Variants in CCDC6 observed in about 807,000 individuals in gnomAD.
The protein encoded by CCDC6 is coiled-coil domain containing 6.
CCDC6 carries 20 observed loss-of-function variants against 56.6 expected under a neutral mutation model. The ratio of observed to expected loss-of-function variants is 0.35; its 90% CI spans 0.25 to 0.51. CCDC6 has a LOEUF of 0.51. CCDC6 is among the 20% of genes least tolerant of loss of function. The pLI, the probability that CCDC6 is intolerant of heterozygous loss-of-function variation, is 0.95. For synonymous variants in CCDC6, 241 were observed against 234.4 expected, an observed-to-expected ratio of 1.03 and a Z score of -0.26; for missense variants, 367 against 601.1, an observed-to-expected ratio of 0.61 and a Z score of 4.07.
intron 3 of CCDC6, among the ~76,000 whole-genome samples, chr10:59,831,026 T>TGA (rs2070830784): frequency 6.6e-6 from 1 of 152,228 alleles, no homozygotes; most frequent in East Asian, 1.9e-4. Flanking sequence ...AGTAAATACT[T>TGA]GGTGTGTCAG....
intron 1 of CCDC6, among the ~76,000 whole-genome samples, chr10:59,885,680 T>C (rs1451902993): frequency 3.9e-5 from 6 of 152,278 alleles, no homozygotes; most frequent in Admixed American, 3.3e-4. Flanking sequence ...ATTTTTTGCA[T>C]AGCCTCTTCC....
At chr10:59,847,325 T>C (rs1007743871) in intron 2 of CCDC6, among the ~76,000 whole-genome samples, 1 of 151,764 alleles carries the variant, frequency 6.6e-6, no homozygotes, top group African/African-American at 2.4e-5. Flanking sequence ...AGTGTTGGGA[T>C]TACAGGCAGG....
At chr10:59,798,339 T>C (rs1340582432) in intron 7 of CCDC6, among the ~76,000 whole-genome samples, 2 of 152,270 alleles carry the variant, frequency 1.3e-5, no homozygotes, top group Admixed American at 6.5e-5. Flanking sequence ...TTTGTTTCCA[T>C]GACAGAGATA....
chr10:59,893,491 G>GC (rs991495092), intron 1 of CCDC6, among the ~76,000 whole-genome samples: 7 of 152,148 alleles, frequency 4.6e-5, no homozygotes, highest in Non-Finnish European at 8.8e-5. Context: ...TGTGGTCTCA[G>GC]CAATTCAGGA....
intron 1 of CCDC6, among the ~76,000 whole-genome samples, chr10:59,858,545 C>T (rs1443415425): frequency 1.3e-5 from 2 of 152,088 alleles, no homozygotes; most frequent in East Asian, 3.9e-4. Context: ...TAAATTTTAC[C>T]AACTGTGGTT....
At chr10:59,861,074 T>C (rs2071123820) in intron 1 of CCDC6, among the ~76,000 whole-genome samples, 1 of 152,088 alleles carries the variant, frequency 6.6e-6, no homozygotes, top group Non-Finnish European at 1.5e-5. Flanking sequence ...CGAGCACCTG[T>C]AATTGCAGGC....
chr10:59,852,064 A>G (rs1325433926), intron 2 of CCDC6, among the ~76,000 whole-genome samples: 1 of 152,190 alleles, frequency 6.6e-6, no homozygotes, highest in Non-Finnish European at 1.5e-5. Context: ...GTTCAGTAAC[A>G]TATTACTCAC....
At chr10:59,876,233 G>A (rs10994061) in intron 1 of CCDC6, among the ~76,000 whole-genome samples, 1 of 151,790 alleles carries the variant, frequency 6.6e-6, no homozygotes, top group African/African-American at 2.4e-5. Context: ...ATTTTTAGTA[G>A]AGACGGGGTT....
intron 1 of CCDC6, among the ~76,000 whole-genome samples, chr10:59,903,837 T>C (rs1387387896): frequency 6.6e-6 from 1 of 152,196 alleles, no homozygotes; most frequent in Admixed American, 6.5e-5. Flanking sequence ...GGACTCTACA[T>C]TCACAGGCCC....
intron 2 of CCDC6, among the ~76,000 whole-genome samples, chr10:59,847,236 G>C (rs928821059): frequency 6.6e-6 from 1 of 151,936 alleles, no homozygotes; most frequent in South Asian, 2.1e-4. Context: ...TGTATTTTTA[G>C]TAGAGACAGG....
intron 3 of CCDC6, among the ~76,000 whole-genome samples, chr10:59,820,191 T>A (rs1211679758): frequency 6.6e-6 from 1 of 152,182 alleles, no homozygotes; most frequent in Non-Finnish European, 1.5e-5. Context: ...CTACCACAGT[T>A]CTTTCTTACT....
At chr10:59,796,369 A>G (rs964913701) in intron 7 of CCDC6, among the ~76,000 whole-genome samples, 1 of 150,824 alleles carries the variant, frequency 6.6e-6, no homozygotes, top group African/African-American at 2.5e-5. Context: ...GATTCTGGAT[A>G]TTAGCCCTTT....
intron 2 of CCDC6, among the ~76,000 whole-genome samples, chr10:59,835,185 C>G (rs1314155175): frequency 6.6e-5 from 10 of 152,032 alleles, no homozygotes; most frequent in Admixed American, 6.5e-4. Context: ...TTGAAAGAAC[C>G]CTTCTTTTTT....
intron 7 of CCDC6, among the ~76,000 whole-genome samples, chr10:59,802,938 C>T (rs1037187155): frequency 6.6e-6 from 1 of 152,158 alleles, no homozygotes; most frequent in Non-Finnish European, 1.5e-5. Context: ...ATCAGCATCA[C>T]CATCACAAAA....
chr10:59,875,036 C>T (rs1624715), intron 1 of CCDC6, among the ~76,000 whole-genome samples: 2,076 of 152,232 alleles, frequency 0.014, 21 homozygotes, highest in Non-Finnish European at 0.022. Context: ...TAATAAATGA[C>T]GGTGTATCCT....
At chr10:59,870,902 C>T (rs1300475702) in intron 1 of CCDC6, among the ~76,000 whole-genome samples, 1 of 152,168 alleles carries the variant, frequency 6.6e-6, no homozygotes, top group South Asian at 2.1e-4. Flanking sequence ...ATGAGAGCAC[C>T]ATGAACTGAG....
rs933115885 is a variant in CCDC6, at chr10:59,790,504, A to G, written c.*2413T>C. 9.1e-6 allele frequency: 2 copies of G among 219,602 alleles called. No homozygotes were observed. Among genetic ancestry groups the G allele is most frequent in the African/African-American group, 4.5e-5 (2 of 44,474 alleles). 13.6% of individuals were successfully genotyped at this position (219,602 alleles called of 1,614,324 possible). On this transcript the variant is annotated 3_prime_UTR_variant, in exon 9 of 9. Transcript: ENST00000263102. ...CCCTAGTAGTAAGACAATTGCCAAG[A>G]AATTGTCCTAGCAGGTACTACCCAA...
chr10:59,829,302 A>G (rs931539975), intron 3 of CCDC6, among the ~76,000 whole-genome samples: 33 of 152,358 alleles, frequency 2.2e-4, no homozygotes, highest in Admixed American at 2.0e-3. Flanking sequence ...AATGCCTTCC[A>G]ATATCCCTTC....
chr10:59,825,798 A>G (rs1034831459), intron 3 of CCDC6, among the ~76,000 whole-genome samples: 1 of 152,256 alleles, frequency 6.6e-6, no homozygotes, highest in Non-Finnish European at 1.5e-5. Flanking sequence ...ACATCTTAAG[A>G]GCCACTATTC....
Sources: allele counts gnomAD v4.1 joint callset (sites outside exome capture counted in the v4.1 genomes callset), GRCh38; gene constraint gnomAD v4.1.1; transcripts MANE v1.5; gene names NCBI Gene and HGNC (gene_info 2026-07-23, HGNC 2026-07-21).